NKAIN2: variants seen among roughly 807,000 people sequenced by gnomAD.
NKAIN2 encodes sodium/potassium transporting ATPase interacting 2.
In NKAIN2, 14 loss-of-function variants were observed where a neutral mutation model predicts 32.6. That is an observed-to-expected ratio of 0.43 (90% confidence interval 0.28 to 0.67). NKAIN2 has a LOEUF of 0.67. Among genes scored for constraint, NKAIN2 ranks in the 30% least tolerant of loss-of-function variants. The pLI is 0.17. For missense variants in NKAIN2, 198 were observed against 258.3 expected (o/e 0.77, Z 1.60); for synonymous variants, 80 against 87.2 (o/e 0.92, Z 0.46).
In NKAIN2 at chr6:124,027,501, C is replaced by G. The variant is rs185492332; in HGVS notation, c.54+223247C>G. Among the ~76,000 whole-genome samples the G allele has an allele frequency of 1.8e-4, 28 of 152,282 alleles. No homozygotes were observed. In the East Asian group the frequency reaches 5.2e-3, roughly 28 times the overall value. ...TCTATATCCCCTGCCTTAGCCCTTT[C>G]TCTGATGTTTATTTAGTCTTGTATA... On this transcript the variant is annotated intron_variant, in intron 1 of 6. Coordinates refer to ENST00000368417, the MANE Select transcript of NKAIN2 (RefSeq NM_001040214.3).
intron 3 of NKAIN2, among the ~76,000 whole-genome samples, chr6:124,621,333 G>T (rs1409531718): frequency 6.6e-6 from 1 of 152,168 alleles, no homozygotes; most frequent in African/African-American, 2.4e-5. Flanking sequence ...GACACTTTGG[G>T]TTAACTGTCT....
chr6:124,634,014 T>A (rs1419308208), intron 3 of NKAIN2, among the ~76,000 whole-genome samples: 1 of 151,564 alleles, frequency 6.6e-6, no homozygotes, highest in Non-Finnish European at 1.5e-5. Context: ...AAAGAAATCA[T>A]AAGGAGATTA....
In NKAIN2 at chr6:124,463,060, CAA is replaced by C. The variant is rs530373232; in HGVS notation, c.273+107714_273+107715del. 3.4e-3 allele frequency among the ~76,000 whole-genome samples: 524 copies of C among 152,080 alleles called. 4 individuals carry two copies. Among genetic ancestry groups the C allele is most frequent in the African/African-American group, 0.012 (503 of 41,494 alleles). On this transcript the variant is annotated intron_variant, in intron 3 of 6. Coordinates refer to ENST00000368417, the MANE Select transcript of NKAIN2 (RefSeq NM_001040214.3). ...GATTCCCCAGACAAGAAAATTGAAA[CAA>C]GTATCTCTACTGCATTAAATCTGAA... is the stretch of plus-strand genomic sequence containing the variant.
intron 1 of NKAIN2, among the ~76,000 whole-genome samples, chr6:123,888,660 A>AT (rs1376608481): frequency 1.3e-5 from 2 of 152,042 alleles, no homozygotes; most frequent in Admixed American, 6.6e-5. Flanking sequence ...CTTTGTTCGC[A>AT]TTTTTTTAAA....
chr6:124,032,287 G>C (rs1005671333), intron 1 of NKAIN2, among the ~76,000 whole-genome samples: 13 of 149,628 alleles, frequency 8.7e-5, no homozygotes, highest in African/African-American at 3.2e-4. Context: ...GGGAGGGATA[G>C]CATTAGGAGA....
At chr6:124,291,245 A>G (rs2626114) in intron 2 of NKAIN2, among the ~76,000 whole-genome samples, 45,044 of 151,940 alleles carry the variant, frequency 0.3, 9,182 homozygotes, top group African/African-American at 0.58. Flanking sequence ...GTCTGATATC[A>G]ATCTGTAAAT....
At chr6:124,737,035 G>T (rs1199491163) in intron 4 of NKAIN2, among the ~76,000 whole-genome samples, 1 of 151,888 alleles carries the variant, frequency 6.6e-6, no homozygotes, top group Non-Finnish European at 1.5e-5. Context: ...GTGCCATTAA[G>T]AACATTCAGG....
At chr6:124,118,176 G>C (rs1785706989) in intron 1 of NKAIN2, among the ~76,000 whole-genome samples, 1 of 151,904 alleles carries the variant, frequency 6.6e-6, no homozygotes, top group Admixed American at 6.6e-5. Flanking sequence ...TTTTCTTTCA[G>C]GTCTTTTTCT....
chr6:124,500,584 G>A (rs1778248946), intron 3 of NKAIN2, among the ~76,000 whole-genome samples: 1 of 151,960 alleles, frequency 6.6e-6, no homozygotes, highest in African/African-American at 2.4e-5. Flanking sequence ...AACCTGGGAG[G>A]CAGAGTTTGA....
chr6:124,319,438 T>C (rs9401726), intron 2 of NKAIN2, among the ~76,000 whole-genome samples: 19,449 of 152,094 alleles, frequency 0.13, 1,525 homozygotes, highest in East Asian at 0.24. Context: ...ACAGAGCATT[T>C]CAAGACTTTA....
intron 1 of NKAIN2, among the ~76,000 whole-genome samples, chr6:123,882,845 A>G (rs370070677): frequency 6.1e-4 from 92 of 151,918 alleles, no homozygotes; most frequent in Admixed American, 1.0e-3. Context: ...ACAAAACAAA[A>G]TATGTAGATG....
chr6:123,805,361 T>C (rs981106930), intron 1 of NKAIN2, among the ~76,000 whole-genome samples: 1 of 152,182 alleles, frequency 6.6e-6, no homozygotes, highest in Non-Finnish European at 1.5e-5. Flanking sequence ...ATTCCTTAAG[T>C]GTTCTTGTTT....
At chr6:123,862,365 C>T (rs1336006957) in intron 1 of NKAIN2, among the ~76,000 whole-genome samples, 1 of 152,088 alleles carries the variant, frequency 6.6e-6, no homozygotes, top group African/African-American at 2.4e-5. Context: ...ATTGCTCTTG[C>T]CCATGTTATC....
At chr6:123,914,403 A>G (rs758578560) in intron 1 of NKAIN2, among the ~76,000 whole-genome samples, 45 of 152,042 alleles carry the variant, frequency 3.0e-4, no homozygotes, top group Non-Finnish European at 6.0e-4. Flanking sequence ...GAATGAGCAC[A>G]AGTGCTTTCT....
rs146047632 is a variant in NKAIN2 at position 124,571,333 on chromosome 6, C to T, written c.274-86853C>T. ...TTTTAAAAAGTGAGGACATGAGATTCGGAGGGGCCAGGCGTGGAATGATAA... is the reference window on the plus strand; with the variant it reads ...TTTTAAAAAGTGAGGACATGAGATTTGGAGGGGCCAGGCGTGGAATGATAA... On this transcript the variant is annotated intron_variant, in intron 3 of 6. Coordinates refer to ENST00000368417, the MANE Select transcript of NKAIN2 (RefSeq NM_001040214.3). Among the ~76,000 whole-genome samples the T allele has an allele frequency of 2.4e-3, 361 of 152,082 alleles. 2 individuals carry two copies. The highest frequency in any genetic ancestry group is 8.3e-3 in the African/African-American group (345 of 41,492).
chr6:124,571,803 C>G (rs137923797), intron 3 of NKAIN2, among the ~76,000 whole-genome samples: 1 of 152,166 alleles, frequency 6.6e-6, no homozygotes, highest in African/African-American at 2.4e-5. Flanking sequence ...CCTTTGGCTT[C>G]TTTTCTTTTG....
chr6:124,508,191 A>C (rs2114765749), intron 3 of NKAIN2, among the ~76,000 whole-genome samples: 1 of 152,124 alleles, frequency 6.6e-6, no homozygotes, highest in South Asian at 2.1e-4. Context: ...TGGGAGGTTA[A>C]GGCTGTAGTG....
chr6:123,945,021 A>C (rs561408099), intron 1 of NKAIN2, among the ~76,000 whole-genome samples: 5 of 152,234 alleles, frequency 3.3e-5, no homozygotes, highest in Non-Finnish European at 5.9e-5. Context: ...GGAATATTTT[A>C]TATATTTGCA....
intron 4 of NKAIN2, among the ~76,000 whole-genome samples, chr6:124,774,411 A>G (rs2114767480): frequency 6.6e-6 from 1 of 152,326 alleles, no homozygotes; most frequent in East Asian, 1.9e-4. Context: ...TACCTGAAAC[A>G]GAACAGCTAT....
Sources: gnomAD v4.1 joint callset for allele counts (sites outside exome capture counted in the v4.1 genomes callset) on GRCh38, gnomAD v4.1.1 for gene constraint, MANE v1.5 for transcripts, NCBI Gene and HGNC (gene_info 2026-07-23, HGNC 2026-07-21) for gene names.